Variants in PTMS observed in about 807,000 individuals in gnomAD.
PTMS encodes the protein parathymosin.
In PTMS, 5 loss-of-function variants were observed where a neutral mutation model predicts 18.4. The ratio of observed to expected loss-of-function variants is 0.27; its 90% confidence interval spans 0.14 to 0.57. PTMS has a LOEUF of 0.57. Ranked by LOEUF, PTMS falls within the 20% of genes least tolerant of loss-of-function variation. PTMS has a pLI of 0.92. For synonymous variants in PTMS, 53 were observed against 47.7 expected (o/e 1.11, Z -0.46); for missense variants, 93 against 124.6 (o/e 0.75, Z 1.21).
intron 1 of PTMS, among the ~76,000 whole-genome samples, chr12:6,768,415 C>T (rs541065608): frequency 6.6e-6 from 1 of 152,296 alleles, no homozygotes; most frequent in South Asian, 2.1e-4. Context: ...GTGAAGAGTT[C>T]TGAGCTACCC....
At chr12:6,769,708 C>T (rs764256982) in intron 2 of PTMS, 34 bp downstream of exon 2, 2 of 1,610,730 alleles carry the variant, frequency 1.2e-6, no homozygotes, top group Non-Finnish European at 1.7e-6. Context: ...CCACATCTGC[C>T]CTACCATCTT....
At chr12:6,768,110 G>T (rs1054131411) in intron 1 of PTMS, among the ~76,000 whole-genome samples, 2 of 152,224 alleles carry the variant, frequency 1.3e-5, no homozygotes, top group African/African-American at 4.8e-5. Context: ...TCCTGGAAAA[G>T]GGATCATGGA....
rs763082021 is a variant in PTMS, at chr12:6,770,193, C to T, written c.233C>T (p.Ala78Val). Residue 78 changes from alanine to valine, a missense_variant, in exon 4 of 5, where the codon GCG becomes GTG. Coordinates refer to ENST00000309083, the MANE Select transcript of PTMS (RefSeq NM_002824.6). This position sits in a 1 kb window ranked among gnomAD's most constrained non-coding sequence, Gnocchi z 7.3. ...EEEEEDDEGP[A>V]LKRAAEEEDE... ...GAAGAAGAGGATGATGAAGGGCCCG[C>T]GCTGAAGAGAGCTGCCGAAGAGGAG... 8 of 1,614,024 alleles carry T rather than the reference C, an allele frequency of 5.0e-6. No individual in the cohort carries two copies. The highest frequency in any genetic ancestry group is 3.3e-5 in the South Asian group (3 of 91,084).
intron 1 of PTMS, among the ~76,000 whole-genome samples, chr12:6,768,364 AC>A (rs1941798484): frequency 6.6e-6 from 1 of 151,836 alleles, no homozygotes; most frequent in African/African-American, 2.4e-5. Context: ...AGAAATGAAG[AC>A]CTCACGGTGG....
chr12:6,766,678 C>A lies in PTMS; in HGVS notation c.-28C>A. The A allele has an allele frequency of 8.9e-7, 1 of 1,121,318 alleles. No individual in the cohort carries two copies. Among genetic ancestry groups the A allele is most frequent in the South Asian group, 2.7e-5 (1 of 37,288 alleles). 69.5% of individuals were successfully genotyped at this position (1,121,318 alleles called of 1,614,324 possible). A position where few individuals can be genotyped will look rare whatever the true frequency, so the allele number is the denominator to read the frequency against. On this transcript the variant is annotated 5_prime_UTR_variant, in exon 1 of 5. Transcript: ENST00000309083. ...TCTCGGCCCCGGGACCCCGGCTCCC[C>A]GCCAGCCCCGGCCCCGGCCCCGGCA...
At chr12:6,769,880 T>A in intron 2 of PTMS, 41 bp from the exon 3 acceptor site, 1 of 1,583,946 alleles carries the variant, frequency 6.3e-7, no homozygotes. Context: ...GGGCAAGGCA[T>A]GCAGCCAGCC....
At chr12:6,767,673 G>T (rs1592491859) in intron 1 of PTMS, among the ~76,000 whole-genome samples, 1 of 151,760 alleles carries the variant, frequency 6.6e-6, no homozygotes, top group South Asian at 2.1e-4. Flanking sequence ...GAAACGGGGG[G>T]AGCCAATGGG....
At chr12:6,769,797 C>T (rs1941814030) in intron 2 of PTMS, 123 bp downstream of exon 2, 1 of 1,600,548 alleles carries the variant, frequency 6.2e-7, no homozygotes. Flanking sequence ...CCCTGTCACC[C>T]TTGCTGCCCC....
At chr12:6,767,150 C>T (rs1456897007) in intron 1 of PTMS, 1 of 152,268 alleles carries the variant, frequency 6.6e-6, no homozygotes, top group Non-Finnish European at 1.5e-5. Flanking sequence ...CCTTTCCTCG[C>T]TAAGCGGTTT....
chr12:6,770,642 C>T lies in PTMS; in HGVS notation c.*200C>T, dbSNP rs996578633. 6.3e-6 allele frequency: 4 copies of T among 637,898 alleles called. No individual in the cohort carries two copies. The highest frequency in any genetic ancestry group is 2.9e-5 in the Admixed American group (1 of 35,040). 39.5% of individuals were successfully genotyped at this position (637,898 alleles called of 1,614,324 possible). A position where few individuals can be genotyped will look rare whatever the true frequency, so the allele number is the denominator to read the frequency against. On this transcript the variant is annotated 3_prime_UTR_variant, in exon 5 of 5. Coordinates refer to ENST00000309083, the MANE Select transcript of PTMS (RefSeq NM_002824.6). The surrounding 1 kb of genome is among the most constrained non-coding windows in gnomAD (Gnocchi z 7.3). ...CCACCCTCACTCTGCCATTGTTCCA[C>T]CTCCTGACCTGCTCCATCTGAGCTC...
intron 1 of PTMS, among the ~76,000 whole-genome samples, chr12:6,767,771 T>C (rs1243755974): frequency 6.6e-6 from 1 of 152,236 alleles, no homozygotes; most frequent in East Asian, 1.9e-4. Flanking sequence ...GCATGTGACT[T>C]CACTGAGTAG....
At position 6,770,309 on chromosome 12, in the gene PTMS, G is replaced by A. The variant is rs1941820987; in HGVS notation, c.259-83G>A. On this transcript the variant is annotated intron_variant, in intron 4 of 4. Transcript: ENST00000309083. The surrounding 1 kb of genome is among the most constrained non-coding windows in gnomAD (Gnocchi z 7.3). The stretch of plus-strand genomic sequence containing the variant: ...TTTGGACCCAGATCCCTGTGTGGCA[G>A]GGGTGGGGGCTGGAACAGGACCGGG... The A allele has an allele frequency of 6.2e-7, 1 of 1,608,588 alleles. No homozygotes were observed. Among genetic ancestry groups the A allele is most frequent in the South Asian group, 1.1e-5 (1 of 90,934 alleles).
At chr12:6,767,745 G>A (rs943296475) in intron 1 of PTMS, among the ~76,000 whole-genome samples, 4 of 152,248 alleles carry the variant, frequency 2.6e-5, no homozygotes, top group Non-Finnish European at 4.4e-5. Flanking sequence ...GTGGCCCTCC[G>A]GCGGGCTGTG....
chr12:6,766,588 C>T lies in PTMS; in HGVS notation c.-118C>T. 2 of 481,988 alleles carry T rather than the reference C, an allele frequency of 4.1e-6. No individual in the cohort carries two copies. Among genetic ancestry groups the T allele is most frequent in the Non-Finnish European group, 5.8e-6 (2 of 342,060 alleles). The allele number at this position is 481,988 out of a possible 1,614,324, so 29.9% of individuals were successfully genotyped here. Reference sequence around the variant, plus strand: ...CGAGCGGCCGCCGCTGCCGCTGTCGCCGCCGCCGCCGCCACCGCGCCAGGT... The same window carrying T: ...CGAGCGGCCGCCGCTGCCGCTGTCGTCGCCGCCGCCGCCACCGCGCCAGGT... On this transcript the variant is annotated 5_prime_UTR_variant, in exon 1 of 5. Coordinates refer to ENST00000309083, the MANE Select transcript of PTMS (RefSeq NM_002824.6).
In PTMS at chr12:6,766,681, C is replaced by G. The variant is rs932148493; in HGVS notation, c.-25C>G. The G allele has an allele frequency of 1.8e-5, 20 of 1,125,176 alleles. No homozygotes were observed. The highest frequency in any genetic ancestry group is 2.2e-5 in the Non-Finnish European group (20 of 915,002). 69.7% of individuals were successfully genotyped at this position (1,125,176 alleles called of 1,614,324 possible). ...CGGCCCCGGGACCCCGGCTCCCCGC[C>G]AGCCCCGGCCCCGGCCCCGGCACCA... On this transcript the variant is annotated 5_prime_UTR_variant, in exon 1 of 5. Coordinates refer to ENST00000309083, the MANE Select transcript of PTMS (RefSeq NM_002824.6).
At chr12:6,769,480 C>A in intron 1 of PTMS, 123 bp from the exon 2 acceptor site, 1 of 1,068,010 alleles carries the variant, frequency 9.4e-7, no homozygotes, top group Non-Finnish European at 1.5e-6. Context: ...TGTCTCTAAG[C>A]TGTGGCCACC....
intron 1 of PTMS, among the ~76,000 whole-genome samples, chr12:6,767,703 G>A (rs1178657961): frequency 6.6e-6 from 1 of 152,184 alleles, no homozygotes; most frequent in African/African-American, 2.4e-5. Context: ...GGTGGGAGAG[G>A]GGCTGTGTGC....
At position 6,770,051 on chromosome 12, in the gene PTMS, G is replaced by A. The variant is rs1409323476; in HGVS notation, c.196+52G>A. ...TGGCAAAGTCTGGGCTCAAAGGAGA[G>A]CAGAGTCAGGGTGGGTTTGAAGACC... is the stretch of plus-strand genomic sequence containing the variant. On this transcript the variant is annotated intron_variant, in intron 3 of 4. Transcript: ENST00000309083. The surrounding 1 kb of genome is among the most constrained non-coding windows in gnomAD (Gnocchi z 7.3). 5 of 1,581,476 alleles carry A rather than the reference G, an allele frequency of 3.2e-6. No homozygotes were observed. The highest frequency in any genetic ancestry group is 4.3e-6 in the Non-Finnish European group (5 of 1,164,306).
Position 6,770,745 on chromosome 12 carries a change from A to G in PTMS, c.*303A>G. 2.1e-6 allele frequency: 1 copy of G among 484,080 alleles called. No individual in the cohort carries two copies. The allele number at this position is 484,080 out of a possible 1,614,324, so 30.0% of individuals were successfully genotyped here. ...CTACCAGCCTCATTCTTCCTCCGGT[A>G]GCCTCTCCCACCTAACCTCTGCATC... is the stretch of plus-strand genomic sequence containing the variant. On this transcript the variant is annotated 3_prime_UTR_variant, in exon 5 of 5. Transcript: ENST00000309083. This position sits in a 1 kb window ranked among gnomAD's most constrained non-coding sequence, Gnocchi z 7.3.
Sources: gnomAD v4.1 joint callset for allele counts (sites outside exome capture counted in the v4.1 genomes callset) on GRCh38, gnomAD v4.1.1 for gene constraint, Gnocchi (gnomAD v3.1) non-coding constraint, MANE v1.5 for transcripts, NCBI Gene and HGNC (gene_info 2026-07-23, HGNC 2026-07-21) for gene names.